TMEM132C: variants seen among roughly 807,000 people sequenced by gnomAD.
TMEM132C encodes the protein protein phosphatase 1, regulatory subunit 152.
TMEM132C carries 29 observed loss-of-function variants against 61.4 expected under a neutral mutation model. That is an observed-to-expected ratio of 0.47 (90% CI 0.35 to 0.64). The LOEUF is 0.64. TMEM132C is among the 30% of genes least tolerant of loss of function. TMEM132C has a pLI of 0.00. For missense variants in TMEM132C, 1,408 were observed against 1,476.9 expected (o/e 0.95, Z 0.76); for synonymous variants, 656 against 633.1 (o/e 1.04, Z -0.54).
At chr12:128,593,005 C>G (rs1288075767) in intron 3 of TMEM132C, among the ~76,000 whole-genome samples, 1 of 152,124 alleles carries the variant, frequency 6.6e-6, no homozygotes, top group Non-Finnish European at 1.5e-5. Flanking sequence ...TCTCTCTCTT[C>G]CCTTCTCTCA....
At chr12:128,351,448 C>A (rs1873334771) in intron 1 of TMEM132C, among the ~76,000 whole-genome samples, 1 of 152,088 alleles carries the variant, frequency 6.6e-6, no homozygotes, top group African/African-American at 2.4e-5. Flanking sequence ...TGAATGTATG[C>A]TACTTAACAA....
At chr12:128,449,136 CAA>C (rs141298455) in intron 2 of TMEM132C, among the ~76,000 whole-genome samples, 4 of 50,718 alleles carry the variant, frequency 7.9e-5, no homozygotes, top group Non-Finnish European at 4.3e-5. Context: ...GACTCTGTCT[CAA>C]AAAAAAAAAA....
rs1954850983 is a variant in TMEM132C, at chr12:128,707,358, G to A, written c.*1063G>A. ...CAGGTGTAATCAGAGCCAACCTGGT[G>A]GGCTTGGTCTATCACAAGACATAAC... On this transcript the variant is annotated 3_prime_UTR_variant, in exon 9 of 9. Transcript: ENST00000435159. 6.6e-6 allele frequency: 1 copy of A among 152,186 alleles called. No individual in the cohort carries two copies. Among genetic ancestry groups the A allele is most frequent in the Non-Finnish European group, 1.5e-5 (1 of 68,030 alleles). The allele number at this position is 152,186 out of a possible 1,614,324, so 9.4% of individuals were successfully genotyped here.
chr12:128,604,187 A>G (rs1249771145), intron 3 of TMEM132C, among the ~76,000 whole-genome samples: 1 of 152,196 alleles, frequency 6.6e-6, no homozygotes, highest in Non-Finnish European at 1.5e-5. Context: ...AGATTTATGG[A>G]TACGTGGGAT....
At chr12:128,348,280 T>G (rs1280247415) in intron 1 of TMEM132C, among the ~76,000 whole-genome samples, 2 of 152,262 alleles carry the variant, frequency 1.3e-5, no homozygotes, top group South Asian at 2.1e-4. Context: ...CTGCATATTG[T>G]GTATCCTGTA....
chr12:128,394,907 C>CAAAAAAA (rs59086773), intron 1 of TMEM132C, among the ~76,000 whole-genome samples: 37,053 of 129,886 alleles, frequency 0.29, 4,896 homozygotes, highest in South Asian at 0.38. Context: ...CCTTATTTTC[C>CAAAAAAA]AAAAAAAAAA....
At chr12:128,481,394 C>T (rs1871312231) in intron 2 of TMEM132C, among the ~76,000 whole-genome samples, 1 of 152,192 alleles carries the variant, frequency 6.6e-6, no homozygotes, top group South Asian at 2.1e-4. Flanking sequence ...GGCCGGACGG[C>T]TTTGGGGCCA....
At chr12:128,365,854 T>A (rs1873849619) in intron 1 of TMEM132C, among the ~76,000 whole-genome samples, 1 of 152,164 alleles carries the variant, frequency 6.6e-6, no homozygotes, top group South Asian at 2.1e-4. Context: ...GTGGCCAGGC[T>A]GCCCCGTTGA....
intron 1 of TMEM132C, 98 bp from the exon 2 acceptor site, chr12:128,414,634 C>T: frequency 1.3e-5 from 17 of 1,294,666 alleles, no homozygotes; most frequent in Non-Finnish European, 1.7e-5. Flanking sequence ...GAATTTCTAT[C>T]CCTCATTTCT....
chr12:128,439,443 G>C (rs1406255838), intron 2 of TMEM132C, among the ~76,000 whole-genome samples: 1 of 152,132 alleles, frequency 6.6e-6, no homozygotes, highest in Non-Finnish European at 1.5e-5. Flanking sequence ...AGATATGGGG[G>C]AGCAAATTCT....
chr12:128,498,578 G>C (rs187046479), intron 2 of TMEM132C, among the ~76,000 whole-genome samples: 30 of 152,216 alleles, frequency 2.0e-4, no homozygotes, highest in Admixed American at 1.3e-3. Flanking sequence ...AGGAGGCTGA[G>C]GCAAGAGAAT....
chr12:128,472,285 A>G (rs1870977845), intron 2 of TMEM132C, among the ~76,000 whole-genome samples: 1 of 152,192 alleles, frequency 6.6e-6, no homozygotes, highest in South Asian at 2.1e-4. Flanking sequence ...TGTCTGGCCA[A>G]TTATAAACAA....
At chr12:128,607,266 G>A (rs1481597960) in intron 3 of TMEM132C, among the ~76,000 whole-genome samples, 1 of 152,204 alleles carries the variant, frequency 6.6e-6, no homozygotes, top group African/African-American at 2.4e-5. Flanking sequence ...AGGAGAATGA[G>A]CAAGGGGAGG....
At chr12:128,640,960 A>G (rs1954153470) in intron 4 of TMEM132C, among the ~76,000 whole-genome samples, 1 of 152,196 alleles carries the variant, frequency 6.6e-6, no homozygotes, top group Non-Finnish European at 1.5e-5. Flanking sequence ...ACTGTTTTCT[A>G]AAAGTGTGCT....
At chr12:128,638,160 G>A (rs1954117699) in intron 4 of TMEM132C, among the ~76,000 whole-genome samples, 1 of 152,162 alleles carries the variant, frequency 6.6e-6, no homozygotes, top group Non-Finnish European at 1.5e-5. Flanking sequence ...GCTAAATAAT[G>A]AGTCATCATC....
At chr12:128,436,237 G>A (rs1433070999) in intron 2 of TMEM132C, among the ~76,000 whole-genome samples, 1 of 152,118 alleles carries the variant, frequency 6.6e-6, no homozygotes, top group Non-Finnish European at 1.5e-5. Context: ...ACATAGGCAT[G>A]GGCAAGGACT....
chr12:128,697,652 C>T (rs1954776051), intron 8 of TMEM132C, among the ~76,000 whole-genome samples: 1 of 152,214 alleles, frequency 6.6e-6, no homozygotes, highest in South Asian at 2.1e-4. Context: ...CCTGCACTCC[C>T]CTCTCTTCTC....
rs151084870 is a variant in TMEM132C, at chr12:128,566,350, T to C, written c.1121+22247T>C. On this transcript the variant is annotated intron_variant, in intron 3 of 8. Transcript: ENST00000435159. ...AAATGATTGACATTTTGTGTGCATA[T>C]TTCTGAAACCTATATTGTTTGGGGG... is the stretch of plus-strand genomic sequence containing the variant. 5.2e-3 allele frequency among the ~76,000 whole-genome samples: 785 copies of C among 152,322 alleles called. 7 individuals are homozygous for C. The highest frequency in any genetic ancestry group is 0.018 in the African/African-American group (763 of 41,554).
At chr12:128,430,399 A>G (rs1869344685) in intron 2 of TMEM132C, among the ~76,000 whole-genome samples, 1 of 152,186 alleles carries the variant, frequency 6.6e-6, no homozygotes, top group Non-Finnish European at 1.5e-5. Context: ...CTCTTACGTG[A>G]CCTTAACCTT....
Sources: allele counts gnomAD v4.1 joint callset (sites outside exome capture counted in the v4.1 genomes callset), GRCh38; gene constraint gnomAD v4.1.1; transcripts MANE v1.5; gene names NCBI Gene and HGNC (gene_info 2026-07-23, HGNC 2026-07-21).